The following DCBLD2 variants were observed in gnomAD, a reference collection of about 807,000 sequenced individuals.
The protein encoded by DCBLD2 is discoidin, CUB and LCCL domain containing 2.
Under a neutral mutation model 86.8 loss-of-function variants are expected in DCBLD2, and 54 were observed. That is an observed-to-expected ratio of 0.62 (90% confidence interval 0.50 to 0.78). The LOEUF is 0.78. Among genes scored for constraint, DCBLD2 ranks in the 30% least tolerant of loss-of-function variants. DCBLD2 has a pLI of 0.00. For synonymous variants in DCBLD2, 354 were observed against 341.3 expected, an observed-to-expected ratio of 1.04 and a Z score of -0.41; for missense variants, 908 against 954.2, an observed-to-expected ratio of 0.95 and a Z score of 0.64.
intron 3 of DCBLD2, among the ~76,000 whole-genome samples, chr3:98,839,050 G>T (rs951304472): frequency 2.0e-5 from 3 of 150,870 alleles, no homozygotes; most frequent in Middle Eastern, 6.8e-3. Flanking sequence ...GAGAGGGAGA[G>T]GGAGCCTTGG....
rs10574415 is a variant in DCBLD2 at position 98,844,034 on chromosome 3, GCACACACACA to G, written c.571+5417_571+5426del. Among the ~76,000 whole-genome samples, 955 of 145,626 alleles carry G rather than the reference GCACACACACA, an allele frequency of 6.6e-3. 11 individuals are homozygous for G. The highest frequency in any genetic ancestry group is 0.023 in the African/African-American group (897 of 39,428). On this transcript the variant is annotated intron_variant, in intron 3 of 15. Coordinates refer to ENST00000326840, the MANE Select transcript of DCBLD2 (RefSeq NM_080927.4). Reference sequence around the variant, plus strand: ...GGATCACCACTTTCCAATCATGCATGCACACACACACACACACACACACACACACCCCAAT... The same window carrying G: ...GGATCACCACTTTCCAATCATGCATGCACACACACACACACACACCCCAAT...
chr3:98,887,811 C>T (rs1395651491), intron 1 of DCBLD2, among the ~76,000 whole-genome samples: 1 of 152,008 alleles, frequency 6.6e-6, no homozygotes, highest in Non-Finnish European at 1.5e-5. Context: ...ACATTTGTTA[C>T]AATTGATGAA....
intron 9 of DCBLD2, 93 bp from the exon 10 acceptor site, chr3:98,812,575 G>A: frequency 9.0e-7 from 1 of 1,113,244 alleles, no homozygotes; most frequent in South Asian, 1.7e-5. Flanking sequence ...TTTGCTCTAG[G>A]CCTTAAATTA....
intron 11 of DCBLD2, 56 bp from the exon 12 acceptor site, chr3:98,811,375 A>G (rs978677344): frequency 1.2e-6 from 2 of 1,612,380 alleles, no homozygotes; most frequent in Non-Finnish European, 1.7e-6. Context: ...CTTGATTAAC[A>G]TAAACTTATT....
intron 3 of DCBLD2, among the ~76,000 whole-genome samples, chr3:98,838,648 G>A (rs1219886965): frequency 2.0e-5 from 3 of 152,052 alleles, no homozygotes; most frequent in South Asian, 2.1e-4. Context: ...ACGGGGTGGC[G>A]GCTGGGCAGA....
intron 2 of DCBLD2, among the ~76,000 whole-genome samples, chr3:98,873,134 C>T (rs896900139): frequency 3.3e-5 from 5 of 151,822 alleles, no homozygotes; most frequent in African/African-American, 9.7e-5. Flanking sequence ...GGGTAGGAAA[C>T]CTTTAAATGT....
chr3:98,831,107 C>T (rs1942312664), intron 3 of DCBLD2, among the ~76,000 whole-genome samples: 1 of 150,782 alleles, frequency 6.6e-6, no homozygotes. Context: ...TGCTCTGTTG[C>T]CCAGGCTGGA....
chr3:98,867,937 G>A (rs1030669709), intron 2 of DCBLD2, among the ~76,000 whole-genome samples: 2 of 151,884 alleles, frequency 1.3e-5, no homozygotes, highest in African/African-American at 4.8e-5. Flanking sequence ...TGCATAGCTG[G>A]GACTACAGGT....
At chr3:98,812,567 T>G in intron 9 of DCBLD2, 85 bp from the exon 10 acceptor site, 1 of 1,236,174 alleles carries the variant, frequency 8.1e-7, no homozygotes, top group Non-Finnish European at 1.1e-6. Context: ...TTTTGTTCTT[T>G]GCTCTAGGCC....
intron 2 of DCBLD2, among the ~76,000 whole-genome samples, chr3:98,871,105 T>C (rs963868784): frequency 5.9e-5 from 9 of 152,038 alleles, no homozygotes; most frequent in South Asian, 2.1e-4. Flanking sequence ...TATTGGTATA[T>C]AGCAGTAGTA....
chr3:98,851,957 C>T (rs536215685), intron 2 of DCBLD2, among the ~76,000 whole-genome samples: 1 of 152,222 alleles, frequency 6.6e-6, no homozygotes, highest in East Asian at 1.9e-4. Flanking sequence ...AAGACTTAAA[C>T]GTAAGACCTA....
intron 12 of DCBLD2, among the ~76,000 whole-genome samples, chr3:98,808,394 T>C (rs1208738753): frequency 6.6e-6 from 1 of 152,158 alleles, no homozygotes; most frequent in Non-Finnish European, 1.5e-5. Context: ...TGTAGAGATG[T>C]GAAATTTTCC....
chr3:98,815,477 G>T (rs1171428319), intron 9 of DCBLD2: 4 of 151,886 alleles, frequency 2.6e-5, no homozygotes, highest in African/African-American at 9.7e-5. Context: ...ATACTTAAGG[G>T]AATATTAATA....
Position 98,817,785 on chromosome 3 carries a change from C to G in DCBLD2, c.1196G>C (p.Gly399Ala). ...GQKWTVYREP[G>A]VEQDKIFQGN... ...TCATTTTACCTTATCTTGCTCCACA[C>G]CAGGCTCTCTGTACACAGTCCATTT... The change falls in exon 9 of 16, where the codon GGT (glycine) becomes GCT (alanine). Residue 399 changes from glycine to alanine, a missense_variant. Physicochemically the swap from Gly to Ala is moderately conservative, Grantham distance 60. Around this residue, in one of 3 missense-constraint regions of DCBLD2, gnomAD observed 606 missense variants for 678.5 expected, o/e 0.89. Coordinates refer to ENST00000326840, the MANE Select transcript of DCBLD2 (RefSeq NM_080927.4). 1 of 1,613,608 alleles carries G rather than the reference C, an allele frequency of 6.2e-7. No homozygotes were observed. The highest frequency in any genetic ancestry group is 1.1e-5 in the South Asian group (1 of 91,070).
At chr3:98,808,981 A>G (rs1287426811) in intron 12 of DCBLD2, among the ~76,000 whole-genome samples, 1 of 152,198 alleles carries the variant, frequency 6.6e-6, no homozygotes, top group Non-Finnish European at 1.5e-5. Context: ...AAAATAATCC[A>G]GCAATTGAAA....
At chr3:98,829,763 C>G (rs576363317) in intron 3 of DCBLD2, among the ~76,000 whole-genome samples, 52 of 152,268 alleles carry the variant, frequency 3.4e-4, no homozygotes, top group Non-Finnish European at 5.6e-4. Flanking sequence ...TGGGTATATA[C>G]CCAGTAATGG....
chr3:98,900,897 C>T (rs1174058325), intron 1 of DCBLD2: 1 of 718,620 alleles, frequency 1.4e-6, no homozygotes, highest in African/African-American at 1.8e-5. Context: ...GTCCCCCTTT[C>T]AGAAAAATAA....
In DCBLD2 at chr3:98,808,111, A is replaced by G. The variant is rs1175667522; in HGVS notation, c.1640T>C (p.Ile547Thr). 7 of 1,606,556 alleles carry G rather than the reference A, an allele frequency of 4.4e-6. No individual in the cohort carries two copies. Among genetic ancestry groups the G allele is most frequent in the Non-Finnish European group, 5.9e-6 (7 of 1,176,672 alleles). The change falls in exon 13 of 16, where the codon ATA (isoleucine) becomes ACA (threonine). Residue 547 changes from isoleucine to threonine, a missense_variant. Ile to Thr is a moderately conservative substitution (Grantham distance 89). Around this residue, in one of 3 missense-constraint regions of DCBLD2, gnomAD observed 606 missense variants for 678.5 expected, o/e 0.89. Transcript: ENST00000326840. The stretch of plus-strand genomic sequence containing the variant: ...TCTCCAGTGCCAAGCACACACTAAT[A>G]TGAGAATGAGAGTAGTGAGGACCAT... The part of the protein sequence containing the change: ...LVMVLTTLIL[I>T]LVCAWHWRNR...
chr3:98,846,372 G>A (rs527273832), intron 3 of DCBLD2, among the ~76,000 whole-genome samples: 1 of 152,184 alleles, frequency 6.6e-6, no homozygotes, highest in Non-Finnish European at 1.5e-5. Flanking sequence ...CATTGTGGCA[G>A]TTAAGTTTCC....
Sources: gnomAD v4.1 joint callset for allele counts (sites outside exome capture counted in the v4.1 genomes callset) on GRCh38, gnomAD v4.1.1 for gene constraint, gnomAD v4.1.1 regional missense constraint, MANE v1.5 for transcripts, NCBI Gene and HGNC (gene_info 2026-07-23, HGNC 2026-07-21) for gene names.